Variants in TBCE observed in about 807,000 individuals in gnomAD.
TBCE encodes the protein tubulin-specific chaperone E.
Under a neutral mutation model 77.0 loss-of-function variants are expected in TBCE, and 53 were observed. The ratio of observed to expected loss-of-function variants is 0.69; its 90% CI spans 0.55 to 0.87. TBCE has a LOEUF of 0.87. Among genes scored for constraint, TBCE ranks in the 40% least tolerant of loss-of-function variants. The probability of loss-of-function intolerance (pLI) is 0.00; values close to 1 mark genes in which losing one functional copy is unlikely to be tolerated. For synonymous variants in TBCE, 235 were observed against 241.3 expected, an observed-to-expected ratio of 0.97 and a Z score of 0.24; for missense variants, 624 against 622.4, an observed-to-expected ratio of 1.00 and a Z score of -0.03.
intron 2 of TBCE, among the ~76,000 whole-genome samples, chr1:235,394,942 C>T (rs142320069): frequency 2.6e-5 from 4 of 152,184 alleles, no homozygotes; most frequent in African/African-American, 7.2e-5. Context: ...TGGGCTCAAG[C>T]GATCCTCCTG....
Position 235,450,162 on chromosome 1 carries a change from C to G in TBCE, c.*1400C>G. The G allele has an allele frequency of 6.2e-7, 1 of 1,609,674 alleles. No individual in the cohort carries two copies. Among genetic ancestry groups the G allele is most frequent in the South Asian group, 1.1e-5 (1 of 90,944 alleles). On this transcript the variant is annotated 3_prime_UTR_variant, in exon 17 of 17. Transcript: ENST00000642610. ...CTCCTCAGACTTGCACTCAGATTATCGTTTGCCTGCCCTGATTTTAGACTC... is the reference window on the plus strand; with the variant it reads ...CTCCTCAGACTTGCACTCAGATTATGGTTTGCCTGCCCTGATTTTAGACTC...
At chr1:235,387,589 A>G (rs1439156822) in intron 2 of TBCE, among the ~76,000 whole-genome samples, 1 of 152,212 alleles carries the variant, frequency 6.6e-6, no homozygotes, top group African/African-American at 2.4e-5. Flanking sequence ...CCGTAGGTGT[A>G]GGACCCTCCG....
intron 2 of TBCE, among the ~76,000 whole-genome samples, chr1:235,388,149 C>T (rs943806468): frequency 6.6e-6 from 1 of 152,032 alleles, no homozygotes; most frequent in Non-Finnish European, 1.5e-5. Flanking sequence ...CCAATAACAA[C>T]CTTAAAATAT....
At chr1:235,437,025 A>T (rs889048637) in intron 11 of TBCE, among the ~76,000 whole-genome samples, 1 of 151,904 alleles carries the variant, frequency 6.6e-6, no homozygotes, top group African/African-American at 2.4e-5. Context: ...GCTACTCGGG[A>T]GGCTGAGGCA....
At chr1:235,391,327 C>T (rs1178866440) in intron 2 of TBCE, among the ~76,000 whole-genome samples, 1 of 151,176 alleles carries the variant, frequency 6.6e-6, no homozygotes, top group African/African-American at 2.4e-5. Flanking sequence ...ACTAACAGTA[C>T]AAAAAAAATT....
chr1:235,372,819 G>A (rs776008886), intron 1 of TBCE, among the ~76,000 whole-genome samples: 40 of 151,690 alleles, frequency 2.6e-4, no homozygotes, highest in Non-Finnish European at 5.6e-4. Context: ...AGCTACTGGG[G>A]AGGCTGAGGC....
rs531457243 is a variant in TBCE, at chr1:235,436,765, TAAGA to T, written c.963+164_963+167del. ...ACTCCTCATAAGAAGCCAAAAATAT[TAAGA>T]AAGAAATTAGTTCACTTCACACTTA... On this transcript the variant is annotated intron_variant, in intron 11 of 16. Coordinates refer to ENST00000642610, the MANE Select transcript of TBCE (RefSeq NM_003193.5). Among the ~76,000 whole-genome samples the T allele has an allele frequency of 6.2e-4, 95 of 152,150 alleles. 2 individuals are homozygous for T. The South Asian group carries it at 0.019, about 30-fold the overall frequency.
chr1:235,383,728 G>C (rs1163493266), intron 2 of TBCE, among the ~76,000 whole-genome samples: 1 of 152,128 alleles, frequency 6.6e-6, no homozygotes, highest in Non-Finnish European at 1.5e-5. Flanking sequence ...TGAGACAGTG[G>C]GGTTTTCTAG....
chr1:235,402,613 T>A (rs933762231), intron 3 of TBCE, among the ~76,000 whole-genome samples: 1 of 152,106 alleles, frequency 6.6e-6, no homozygotes, highest in South Asian at 2.1e-4. Flanking sequence ...TTTAACAGTC[T>A]TTTTTGTTTG....
intron 15 of TBCE, among the ~76,000 whole-genome samples, chr1:235,444,024 TAAATG>T (rs971434120): frequency 6.6e-6 from 1 of 152,224 alleles, no homozygotes; most frequent in African/African-American, 2.4e-5. Flanking sequence ...AGGATTTAAA[TAAATG>T]AAATACACAT....
In TBCE at chr1:235,424,567, A is replaced by G. The variant is rs1418708003; in HGVS notation, c.461-2573A>G. 3.3e-5 allele frequency among the ~76,000 whole-genome samples: 5 copies of G among 150,016 alleles called. No homozygotes were observed. The South Asian group carries it at 8.4e-4, about 25-fold the overall frequency. ...GTTGCCCAGGCTGGAGTGCAATGGCATGATCTTGGCTCACTGTTACCTCCG... is the reference window on the plus strand; with the variant it reads ...GTTGCCCAGGCTGGAGTGCAATGGCGTGATCTTGGCTCACTGTTACCTCCG... On this transcript the variant is annotated intron_variant, in intron 5 of 16. Transcript: ENST00000642610.
chr1:235,371,944 G>A (rs1371177464), intron 1 of TBCE, among the ~76,000 whole-genome samples: 1 of 152,008 alleles, frequency 6.6e-6, no homozygotes, highest in Non-Finnish European at 1.5e-5. Flanking sequence ...GAAGTGCTGG[G>A]ATTACAGGCA....
chr1:235,402,157 A>G (rs866485115), intron 3 of TBCE, among the ~76,000 whole-genome samples: 2 of 149,140 alleles, frequency 1.3e-5, no homozygotes, highest in South Asian at 2.1e-4. Context: ...TCCACCTCCT[A>G]GGTTCAAGCA....
intron 2 of TBCE, among the ~76,000 whole-genome samples, chr1:235,383,125 T>C (rs1247237533): frequency 1.4e-4 from 21 of 145,836 alleles, no homozygotes; most frequent in Admixed American, 2.8e-4. Flanking sequence ...CAGATAGTTG[T>C]AGATATGCGG....
At chr1:235,438,957 G>T (rs759200320) in intron 13 of TBCE, 35 bp downstream of exon 13, 7 of 1,614,056 alleles carry the variant, frequency 4.3e-6, no homozygotes, top group Middle Eastern at 1.7e-4. Flanking sequence ...TTCAGGTGGT[G>T]GATTTCCAGC....
At position 235,380,161 on chromosome 1, in the gene TBCE, TTGTG is replaced by T. The variant is rs10524346; in HGVS notation, c.100+62_100+65del. On this transcript the variant is annotated intron_variant, in intron 2 of 16. Transcript: ENST00000642610. Reference sequence around the variant, plus strand: ...CCCTCCCGTGGCAGGTAAGCAATTATTGTGTGTGTGTGTGTGTGTGTGTGTGTGT... The same window carrying T: ...CCCTCCCGTGGCAGGTAAGCAATTATTGTGTGTGTGTGTGTGTGTGTGTGT... The T allele has an allele frequency of 0.036, 40,853 of 1,124,620 alleles. 356 individuals are homozygous for T. Among genetic ancestry groups the T allele is most frequent in the East Asian group, 0.064 (2,433 of 38,000 alleles). The allele number at this position is 1,124,620 out of a possible 1,614,324, so 69.7% of individuals were successfully genotyped here.
intron 5 of TBCE, 48 bp downstream of exon 5, chr1:235,419,609 T>C (rs13374091): frequency 6.2e-7 from 1 of 1,610,980 alleles, no homozygotes; most frequent in South Asian, 1.1e-5. Context: ...CTATGGATTT[T>C]ATACCTGTGC....
At chr1:235,373,415 A>G (rs1450792173) in intron 1 of TBCE, among the ~76,000 whole-genome samples, 1 of 152,002 alleles carries the variant, frequency 6.6e-6, no homozygotes, top group African/African-American at 2.4e-5. Flanking sequence ...TTCCCATGAA[A>G]GGGACAGAAA....
chr1:235,382,606 A>G (rs1392943596), intron 2 of TBCE, among the ~76,000 whole-genome samples: 8 of 152,010 alleles, frequency 5.3e-5, no homozygotes, highest in Non-Finnish European at 1.2e-4. Flanking sequence ...GGCTGCATAA[A>G]TGTCTTCTTT....
Sources: allele counts gnomAD v4.1 joint callset (sites outside exome capture counted in the v4.1 genomes callset), GRCh38; gene constraint gnomAD v4.1.1; transcripts MANE v1.5; gene names NCBI Gene and HGNC (gene_info 2026-07-23, HGNC 2026-07-21).